The following CDH10 variants were observed in gnomAD, a reference collection of about 807,000 sequenced individuals.
The protein encoded by CDH10 is cadherin 10.
CDH10 carries 30 observed loss-of-function variants against 73.1 expected under a neutral mutation model. The observed-to-expected ratio is 0.41, with a 90% CI of 0.31 to 0.56. CDH10 has a LOEUF of 0.56. Among genes scored for constraint, CDH10 ranks in the 20% least tolerant of loss-of-function variants. CDH10 has a pLI of 0.27. For synonymous variants in CDH10, 345 were observed against 348.2 expected (o/e 0.99, Z 0.10); for missense variants, 815 against 973.7 (o/e 0.84, Z 2.17).
chr5:24,522,568 G>A (rs562374604), intron 5 of CDH10, among the ~76,000 whole-genome samples: 1 of 152,284 alleles, frequency 6.6e-6, no homozygotes, highest in East Asian at 1.9e-4. Context: ...TAGCCAGCCT[G>A]TGCTGGAACC....
chr5:24,550,854 TTC>T (rs1744517038), intron 2 of CDH10, among the ~76,000 whole-genome samples: 1 of 152,194 alleles, frequency 6.6e-6, no homozygotes, highest in Non-Finnish European at 1.5e-5. Context: ...CTCCAATTCC[TTC>T]TCACTGCCTC....
chr5:24,518,158 G>T (rs1194631972), intron 5 of CDH10, among the ~76,000 whole-genome samples: 3 of 152,174 alleles, frequency 2.0e-5, no homozygotes, highest in African/African-American at 7.2e-5. Flanking sequence ...CTAAGAGGAC[G>T]TTTCCTGGCT....
intron 5 of CDH10, among the ~76,000 whole-genome samples, chr5:24,527,035 A>T (rs1743557886): frequency 6.6e-6 from 1 of 151,294 alleles, no homozygotes; most frequent in African/African-American, 2.4e-5. Flanking sequence ...TTTTAGAAGT[A>T]GTTTTAAATA....
chr5:24,558,608 A>G (rs1744849803), intron 2 of CDH10, among the ~76,000 whole-genome samples: 1 of 151,804 alleles, frequency 6.6e-6, no homozygotes, highest in Non-Finnish European at 1.5e-5. Context: ...TTGAAGATAT[A>G]ATAAAATACA....
intron 2 of CDH10, among the ~76,000 whole-genome samples, chr5:24,579,319 T>C (rs978736244): frequency 1.3e-5 from 2 of 150,628 alleles, no homozygotes; most frequent in Admixed American, 1.3e-4. Flanking sequence ...TCTTTATTCA[T>C]GCAGAAAGAC....
At chr5:24,592,802 T>A (rs1406107567) in intron 2 of CDH10, among the ~76,000 whole-genome samples, 5 of 151,808 alleles carry the variant, frequency 3.3e-5, no homozygotes. Context: ...AACATTTTTG[T>A]CCTTGAATCA....
At chr5:24,618,835 G>T (rs1250969703) in intron 1 of CDH10, among the ~76,000 whole-genome samples, 1 of 151,910 alleles carries the variant, frequency 6.6e-6, no homozygotes, top group African/African-American at 2.4e-5. Flanking sequence ...TTTTATACTG[G>T]TATTAAATGA....
intron 1 of CDH10, among the ~76,000 whole-genome samples, chr5:24,623,213 G>A (rs1296916234): frequency 6.6e-6 from 1 of 152,182 alleles, no homozygotes; most frequent in African/African-American, 2.4e-5. Flanking sequence ...CAGATGCAGG[G>A]AAGCTAGTCA....
At position 24,610,627 on chromosome 5, in the gene CDH10, G is replaced by A. The variant is rs1746911387; in HGVS notation, c.-123-17014C>T. ...TTATATATTGATTTAATTTATTTCTGGTGAAATCTTCATACTAACATCAAT... is the reference window on the plus strand; with the variant it reads ...TTATATATTGATTTAATTTATTTCTAGTGAAATCTTCATACTAACATCAAT... On this transcript the variant is annotated intron_variant, in intron 1 of 11. Coordinates refer to ENST00000264463, the MANE Select transcript of CDH10 (RefSeq NM_006727.5). 2.0e-5 allele frequency among the ~76,000 whole-genome samples: 3 copies of A among 152,080 alleles called. No homozygotes were observed. The South Asian group carries it at 6.2e-4, about 32-fold the overall frequency.
At chr5:24,602,488 C>T (rs568394907) in intron 1 of CDH10, among the ~76,000 whole-genome samples, 3 of 152,068 alleles carry the variant, frequency 2.0e-5, no homozygotes, top group South Asian at 4.2e-4. Context: ...TGTGTATACC[C>T]GCTCTGTGTT....
intron 5 of CDH10, among the ~76,000 whole-genome samples, chr5:24,529,652 T>C (rs2111852217): frequency 6.6e-6 from 1 of 152,072 alleles, no homozygotes; most frequent in East Asian, 1.9e-4. Flanking sequence ...CTCACTTAAT[T>C]TGACATTGAT....
chr5:24,641,864 AAGT>A (rs1417521109), intron 1 of CDH10, among the ~76,000 whole-genome samples: 3 of 152,064 alleles, frequency 2.0e-5, no homozygotes, highest in Non-Finnish European at 4.4e-5. Flanking sequence ...GGTTAATTGA[AAGT>A]AGAGTTTTCA....
chr5:24,511,329 T>C lies in CDH10; in HGVS notation c.1000A>G (p.Lys334Glu), dbSNP rs748430843. 5.3e-5 allele frequency: 85 copies of C among 1,600,112 alleles called. No homozygotes were observed. Among genetic ancestry groups the C allele is most frequent in the Non-Finnish European group, 6.9e-5 (81 of 1,168,078 alleles). The change falls in exon 6 of 12, where the codon AAG becomes GAG. Residue 334 changes from lysine to glutamate, a missense_variant and splice_region_variant. This residue lies in a region of CDH10 where 516 missense variants were observed against 636.6 expected (regional missense o/e 0.81). Transcript: ENST00000264463. ...DTQEGIITVK[K>E]PLDYESRRLY... ...TTATTTATATGGATGCTGTGCACCTTTTTCACAGTGATGATGCCTTCCTGT... is the reference window on the plus strand; with the variant it reads ...TTATTTATATGGATGCTGTGCACCTCTTTCACAGTGATGATGCCTTCCTGT...
At chr5:24,504,707 G>A (rs1742638357) in intron 8 of CDH10, among the ~76,000 whole-genome samples, 1 of 151,542 alleles carries the variant, frequency 6.6e-6, no homozygotes, top group Non-Finnish European at 1.5e-5. Flanking sequence ...TTGTATTTTA[G>A]TAGAGACGGG....
intron 3 of CDH10, among the ~76,000 whole-genome samples, 161 bp downstream of exon 3, chr5:24,537,219 C>CT (rs370465345): frequency 2.0e-5 from 3 of 150,412 alleles, no homozygotes; most frequent in Non-Finnish European, 3.0e-5. Flanking sequence ...TTGCATTGAT[C>CT]TTTTTTTTTC....
intron 1 of CDH10, among the ~76,000 whole-genome samples, chr5:24,639,034 T>A (rs1000507854): frequency 6.6e-6 from 1 of 151,634 alleles, no homozygotes; most frequent in African/African-American, 2.4e-5. Flanking sequence ...AAATAATTGA[T>A]AAATACACTT....
At chr5:24,518,028 T>C (rs930847358) in intron 5 of CDH10, among the ~76,000 whole-genome samples, 3 of 152,136 alleles carry the variant, frequency 2.0e-5, no homozygotes, top group African/African-American at 7.2e-5. Flanking sequence ...CTTTAACTGC[T>C]AGGGGAGAGG....
chr5:24,554,496 G>A (rs1744688542), intron 2 of CDH10, among the ~76,000 whole-genome samples: 2 of 151,402 alleles, frequency 1.3e-5, no homozygotes, highest in South Asian at 4.2e-4. Flanking sequence ...GTGTGTGTGT[G>A]TGTGTGTGTG....
chr5:24,544,339 C>A (rs543961513), intron 2 of CDH10, among the ~76,000 whole-genome samples: 22 of 152,102 alleles, frequency 1.4e-4, no homozygotes, highest in African/African-American at 5.3e-4. Context: ...TAAAGCTTAA[C>A]AATGAAATAG....
Sources: allele counts gnomAD v4.1 joint callset (sites outside exome capture counted in the v4.1 genomes callset), GRCh38; gene constraint gnomAD v4.1.1; regional missense constraint gnomAD v4.1.1; transcripts MANE v1.5; gene names NCBI Gene and HGNC (gene_info 2026-07-23, HGNC 2026-07-21).